Variants in ZNF804A observed in about 807,000 individuals in gnomAD.
ZNF804A encodes the protein zinc finger protein 804A.
In ZNF804A, 2 loss-of-function variants were observed where a neutral mutation model predicts 16.5. The ratio of observed to expected loss-of-function variants is 0.12; its 90% CI spans 0.05 to 0.38. The LOEUF (loss-of-function observed/expected upper bound fraction) is 0.38, where lower values mean the gene tolerates loss of function less well. Ranked by LOEUF, ZNF804A falls within the 10% of genes least tolerant of loss-of-function variation. The pLI is 0.99. For synonymous variants in ZNF804A, 534 were observed against 489.6 expected, an observed-to-expected ratio of 1.09 and a Z score of -1.20; for missense variants, 1,473 against 1,390.7, an observed-to-expected ratio of 1.06 and a Z score of -0.94.
chr2:184,615,122 A>G (rs1168252009), intron 1 of ZNF804A, among the ~76,000 whole-genome samples: 1 of 152,230 alleles, frequency 6.6e-6, no homozygotes, highest in African/African-American at 2.4e-5. Flanking sequence ...AATAGCAAAG[A>G]CTTGGAACCA....
In ZNF804A at chr2:184,720,261, T is replaced by C. The variant is rs1021721581; in HGVS notation, c.111+121191T>C. On this transcript the variant is annotated intron_variant, in intron 1 of 3. Coordinates refer to ENST00000302277, the MANE Select transcript of ZNF804A (RefSeq NM_194250.2). ...AACACATGGGAATTCAAGATGAGAT[T>C]TGGGAACAGACACAACCAAACCATA... 3.3e-5 allele frequency among the ~76,000 whole-genome samples: 5 copies of C among 152,112 alleles called. No individual in the cohort carries two copies. The East Asian group carries it at 9.6e-4, about 29-fold the overall frequency.
At chr2:184,691,559 C>G (rs898757700) in intron 1 of ZNF804A, among the ~76,000 whole-genome samples, 4 of 151,570 alleles carry the variant, frequency 2.6e-5, no homozygotes, top group Non-Finnish European at 5.9e-5. Flanking sequence ...AAATAGACAT[C>G]AGCACAAACT....
At chr2:184,754,036 C>T (rs1464744737) in intron 1 of ZNF804A, among the ~76,000 whole-genome samples, 1 of 151,752 alleles carries the variant, frequency 6.6e-6, no homozygotes, top group East Asian at 1.9e-4. Flanking sequence ...ATCTCCATAT[C>T]TGTATTTATG....
chr2:184,684,993 G>T (rs548088938), intron 1 of ZNF804A, among the ~76,000 whole-genome samples: 198 of 152,164 alleles, frequency 1.3e-3, no homozygotes, highest in Non-Finnish European at 2.0e-3. Flanking sequence ...GGCTTGTTCC[G>T]CCCATTCAGC....
chr2:184,899,458 G>A (rs1685142086), intron 2 of ZNF804A, among the ~76,000 whole-genome samples: 1 of 151,948 alleles, frequency 6.6e-6, no homozygotes, highest in Admixed American at 6.6e-5. Context: ...TTTTTCAAAA[G>A]TGTGGTCTTT....
At chr2:184,636,265 A>C (rs926563913) in intron 1 of ZNF804A, among the ~76,000 whole-genome samples, 1 of 151,930 alleles carries the variant, frequency 6.6e-6, no homozygotes, top group African/African-American at 2.4e-5. Flanking sequence ...AACTAATACT[A>C]TGCCACTGAA....
chr2:184,697,502 TATATAA>T (rs1452426513), intron 1 of ZNF804A, among the ~76,000 whole-genome samples: 1 of 152,100 alleles, frequency 6.6e-6, no homozygotes, highest in African/African-American at 2.4e-5. Flanking sequence ...AATTTACTAA[TATATAA>T]ATTTAAGTAC....
At chr2:184,820,043 T>C (rs1179632302) in intron 1 of ZNF804A, among the ~76,000 whole-genome samples, 1 of 151,638 alleles carries the variant, frequency 6.6e-6, no homozygotes, top group East Asian at 1.9e-4. Context: ...TTAAAAACAA[T>C]GGACTCCTCT....
chr2:184,704,601 T>C (rs1692991490), intron 1 of ZNF804A, among the ~76,000 whole-genome samples: 1 of 152,200 alleles, frequency 6.6e-6, no homozygotes, highest in African/African-American at 2.4e-5. Flanking sequence ...CCTAGGTTTT[T>C]GAAATCCCTT....
chr2:184,608,855 A>T (rs1029761317), intron 1 of ZNF804A, among the ~76,000 whole-genome samples: 1 of 152,224 alleles, frequency 6.6e-6, no homozygotes, highest in African/African-American at 2.4e-5. Context: ...ACATATTACC[A>T]CATTAGTATA....
At chr2:184,865,699 T>C (rs1320991029) in intron 1 of ZNF804A, among the ~76,000 whole-genome samples, 1 of 152,122 alleles carries the variant, frequency 6.6e-6, no homozygotes, top group African/African-American at 2.4e-5. Context: ...ATCACTGTCT[T>C]TATTTACTGT....
At chr2:184,725,230 C>T (rs762648716) in intron 1 of ZNF804A, among the ~76,000 whole-genome samples, 14 of 151,508 alleles carry the variant, frequency 9.2e-5, no homozygotes, top group Non-Finnish European at 1.5e-4. Flanking sequence ...TGTAAGTATA[C>T]ATAGAGAGTG....
At chr2:184,717,432 T>C (rs1693231953) in intron 1 of ZNF804A, among the ~76,000 whole-genome samples, 1 of 152,186 alleles carries the variant, frequency 6.6e-6, no homozygotes, top group South Asian at 2.1e-4. Flanking sequence ...GGCACCTCAG[T>C]GCTTCCCTTT....
chr2:184,600,756 C>T (rs1314259220), intron 1 of ZNF804A, among the ~76,000 whole-genome samples: 1 of 152,092 alleles, frequency 6.6e-6, no homozygotes, highest in African/African-American at 2.4e-5. Flanking sequence ...GGTCTTGATT[C>T]TCAAGTTAAT....
At chr2:184,871,155 A>C (rs987054884) in intron 2 of ZNF804A, among the ~76,000 whole-genome samples, 2 of 151,618 alleles carry the variant, frequency 1.3e-5, no homozygotes, top group Non-Finnish European at 2.9e-5. Flanking sequence ...CTGAGTTCCT[A>C]TAAAGGATGA....
chr2:184,729,250 G>A (rs1320498505), intron 1 of ZNF804A, among the ~76,000 whole-genome samples: 3 of 151,642 alleles, frequency 2.0e-5, no homozygotes, highest in Admixed American at 1.3e-4. Context: ...ATTCTACAAT[G>A]CATATATATA....
intron 1 of ZNF804A, among the ~76,000 whole-genome samples, chr2:184,862,323 A>T (rs1024189698): frequency 6.6e-6 from 1 of 152,214 alleles, no homozygotes. Flanking sequence ...ACATGTTTTT[A>T]AATGTATGAT....
intron 1 of ZNF804A, among the ~76,000 whole-genome samples, chr2:184,864,033 A>T (rs2105810084): frequency 6.6e-6 from 1 of 152,304 alleles, no homozygotes; most frequent in South Asian, 2.1e-4. Flanking sequence ...TTTGTGATTT[A>T]TCACTGTCTT....
chr2:184,657,738 A>T (rs1056523912), intron 1 of ZNF804A, among the ~76,000 whole-genome samples: 1 of 152,192 alleles, frequency 6.6e-6, no homozygotes, highest in Non-Finnish European at 1.5e-5. Context: ...TAAATTCTAC[A>T]GTTGCCTGAA....
Sources: gnomAD v4.1 joint callset for allele counts (sites outside exome capture counted in the v4.1 genomes callset) on GRCh38, gnomAD v4.1.1 for gene constraint, MANE v1.5 for transcripts, NCBI Gene and HGNC (gene_info 2026-07-23, HGNC 2026-07-21) for gene names.